Variants in RXRA observed in about 807,000 individuals in gnomAD.
The protein encoded by RXRA is retinoid X receptor alpha, also known as retinoic acid receptor RXR-alpha.
RXRA carries 5 observed loss-of-function variants against 44.5 expected under a neutral mutation model. That is an observed-to-expected ratio of 0.11 (90% CI 0.06 to 0.24). RXRA has a LOEUF of 0.24. Ranked by LOEUF, RXRA falls within the 10% of genes least tolerant of loss-of-function variation. RXRA has a pLI of 1.00. For synonymous variants in RXRA, 291 were observed against 271.4 expected (o/e 1.07, Z -0.71); for missense variants, 412 against 646.5 (o/e 0.64, Z 3.93).
At position 134,366,085 on chromosome 9, in the gene RXRA, G is replaced by A. The variant is rs575680657; in HGVS notation, c.29-35547G>A. On this transcript the variant is annotated intron_variant, in intron 1 of 9. Coordinates refer to ENST00000481739, the MANE Select transcript of RXRA (RefSeq NM_002957.6). This position sits in a 1 kb window ranked among gnomAD's most constrained non-coding sequence, Gnocchi z 5.9. ...GCTTGGCATCTTCAGCATCTCTCGT[G>A]CCTCAGTAACAACCTGGGAGCGGTG... is the stretch of plus-strand genomic sequence containing the variant. 2.0e-5 allele frequency among the ~76,000 whole-genome samples: 3 copies of A among 152,256 alleles called. No homozygotes were observed. In the East Asian group the frequency reaches 5.8e-4, roughly 29 times the overall value.
chr9:134,394,653 C>T (rs148613273), intron 1 of RXRA, among the ~76,000 whole-genome samples: 9 of 152,312 alleles, frequency 5.9e-5, no homozygotes, highest in African/African-American at 1.7e-4. Flanking sequence ...TGCACTTGCA[C>T]GCTACGTGCC....
At chr9:134,376,136 C>T (rs1830553415) in intron 1 of RXRA, among the ~76,000 whole-genome samples, 1 of 152,204 alleles carries the variant, frequency 6.6e-6, no homozygotes, top group African/African-American at 2.4e-5. Context: ...GGCACCCTCC[C>T]ACCGGCCCCG....
intron 1 of RXRA, among the ~76,000 whole-genome samples, chr9:134,333,472 G>C (rs1443291798): frequency 6.6e-6 from 1 of 152,146 alleles, no homozygotes; most frequent in Admixed American, 6.5e-5. Context: ...TGTCGGCGCA[G>C]ACTGCTGCCG....
At chr9:134,357,026 T>A (rs959719210) in intron 1 of RXRA, among the ~76,000 whole-genome samples, 11 of 152,104 alleles carry the variant, frequency 7.2e-5, no homozygotes, top group African/African-American at 2.7e-4. Flanking sequence ...CGGGGAGGCG[T>A]GAAGGCATAG....
intron 1 of RXRA, among the ~76,000 whole-genome samples, chr9:134,341,226 A>T (rs1830081842): frequency 6.6e-6 from 1 of 152,206 alleles, no homozygotes; most frequent in Non-Finnish European, 1.5e-5. Context: ...GCTGATGAGG[A>T]GGCCGAGCTA....
chr9:134,409,322 G>T (rs933735295), intron 4 of RXRA, among the ~76,000 whole-genome samples: 7 of 152,228 alleles, frequency 4.6e-5, no homozygotes, highest in African/African-American at 1.4e-4. Flanking sequence ...GTCCTGGGCG[G>T]CATGTTCTGG....
At chr9:134,379,565 G>T (rs1216243139) in intron 1 of RXRA, 4 of 985,434 alleles carry the variant, frequency 4.1e-6, no homozygotes, top group Non-Finnish European at 4.8e-6. Flanking sequence ...GCCTCATGGG[G>T]GGCTTGCTCC....
rs554972005 is a variant in RXRA at position 134,414,315 on chromosome 9, C to T, written c.611-2843C>T. Among the ~76,000 whole-genome samples, 10 of 152,374 alleles carry T rather than the reference C, an allele frequency of 6.6e-5. No homozygotes were observed. In the South Asian group the frequency reaches 2.1e-3, roughly 32 times the overall value. On this transcript the variant is annotated intron_variant, in intron 4 of 9. Transcript: ENST00000481739. ...TCAGGGCCACCCTTGTCTGGGGCTC[C>T]CCATGCCCTGGGGCTACCTCTGAGC... is the stretch of plus-strand genomic sequence containing the variant.
rs1588310707 is a variant in RXRA at position 134,432,530 on chromosome 9, T to C, written c.1135+534T>C. 1.3e-5 allele frequency among the ~76,000 whole-genome samples: 2 copies of C among 152,268 alleles called. 1 individual carries two copies. The highest frequency in any genetic ancestry group is 6.8e-3 in the Middle Eastern group (2 of 294). ...TGGGCACAGGCCTCCTGGCCGACAG[T>C]GCGGCCCTTCTCCAGCCTCTGGGTT... On this transcript the variant is annotated intron_variant, in intron 8 of 9. Transcript: ENST00000481739.
chr9:134,346,099 T>C (rs576248495), intron 1 of RXRA, among the ~76,000 whole-genome samples: 155 of 151,984 alleles, frequency 1.0e-3, no homozygotes, highest in African/African-American at 3.5e-3. Flanking sequence ...AGTGGTGTGG[T>C]ATTGGGGGGC....
Position 134,426,466 on chromosome 9 carries a change from A to G in RXRA, c.911-2642A>G, listed in dbSNP as rs2119198367. On this transcript the variant is annotated intron_variant, in intron 6 of 9. Transcript: ENST00000481739. This position sits in a 1 kb window ranked among gnomAD's most constrained non-coding sequence, Gnocchi z 4.6. ...AGTGAGGACATCGGGGTGGAGGGAC[A>G]GGGGACAGGGGAGCTGAGATGCAGC... 4 of 985,434 alleles carry G rather than the reference A, an allele frequency of 4.1e-6. No individual in the cohort carries two copies. The highest frequency in any genetic ancestry group is 4.8e-6 in the Non-Finnish European group (4 of 829,918). 61.0% of individuals were successfully genotyped at this position (985,434 alleles called of 1,614,324 possible).
chr9:134,372,725 G>T (rs1342951790), intron 1 of RXRA, among the ~76,000 whole-genome samples: 1 of 152,212 alleles, frequency 6.6e-6, no homozygotes, highest in Non-Finnish European at 1.5e-5. Flanking sequence ...GCTCTTCCCG[G>T]GACTCTACCA....
chr9:134,426,060 G>A lies in RXRA; in HGVS notation c.911-3048G>A. On this transcript the variant is annotated intron_variant, in intron 6 of 9. Transcript: ENST00000481739. This position sits in a 1 kb window ranked among gnomAD's most constrained non-coding sequence, Gnocchi z 4.6. ...GCAGAGGCCCTGAGCGTTTGGGCAG[G>A]GCCACGAGGGATCTGCAGGAGTAAG... 1.0e-6 allele frequency: 1 copy of A among 985,412 alleles called. No homozygotes were observed. The highest frequency in any genetic ancestry group is 1.2e-6 in the Non-Finnish European group (1 of 829,924). The allele number at this position is 985,412 out of a possible 1,614,324, so 61.0% of individuals were successfully genotyped here.
intron 1 of RXRA, among the ~76,000 whole-genome samples, chr9:134,359,647 C>T (rs1234089661): frequency 6.7e-6 from 1 of 148,240 alleles, no homozygotes; most frequent in Admixed American, 6.7e-5. Flanking sequence ...GCATTGTTTT[C>T]CCTCCCTCCC....
rs1353039690 is a variant in RXRA, at chr9:134,342,008, A to G, written c.28+15349A>G. On this transcript the variant is annotated intron_variant, in intron 1 of 9. Transcript: ENST00000481739. The surrounding 1 kb of genome is among the most constrained non-coding windows in gnomAD (Gnocchi z 4.4). ...GTCTGTGAAGCCCAACCCTGGGGGT[A>G]GGGGCTGTCAGAGCATCCGGCTAGC... 6.6e-6 allele frequency among the ~76,000 whole-genome samples: 1 copy of G among 151,942 alleles called. No individual in the cohort carries two copies. Among genetic ancestry groups the G allele is most frequent in the Non-Finnish European group, 1.5e-5 (1 of 67,964 alleles).
At chr9:134,338,698 C>G (rs1479247773) in intron 1 of RXRA, among the ~76,000 whole-genome samples, 1 of 152,198 alleles carries the variant, frequency 6.6e-6, no homozygotes, top group South Asian at 2.1e-4. Context: ...AACTCATTAT[C>G]GGAGGGGGCA....
rs1290510267 is a variant in RXRA, at chr9:134,431,896, C to T, written c.1044-9C>T. The T allele has an allele frequency of 1.2e-6, 2 of 1,611,276 alleles. No homozygotes were observed. Among genetic ancestry groups the T allele is most frequent in the Admixed American group, 1.7e-5 (1 of 60,014 alleles). ...ACTGGGATGGGGTGTCTGCCCTCCT[C>T]CTCTGCAGGGTGCTGACGGAGCTTG... On this transcript the variant is annotated splice_polypyrimidine_tract_variant and intron_variant, in intron 7 of 9. Coordinates refer to ENST00000481739, the MANE Select transcript of RXRA (RefSeq NM_002957.6).
rs1336227661 is a variant in RXRA at position 134,436,579 on chromosome 9, A to C, written c.1354A>C (p.Met452Leu). The C allele has an allele frequency of 6.2e-7, 1 of 1,613,928 alleles. No individual in the cohort carries two copies. The highest frequency in any genetic ancestry group is 1.3e-5 in the African/African-American group (1 of 74,926). The change falls in exon 10 of 10, where the codon ATG becomes CTG. Residue 452 changes from methionine (M) to leucine (L), a missense_variant. Coordinates refer to ENST00000481739, the MANE Select transcript of RXRA (RefSeq NM_002957.6). The stretch of plus-strand genomic sequence containing the variant: ...GGACACACCCATTGACACCTTCCTT[A>C]TGGAGATGCTGGAGGCGCCGCACCA... ...IGDTPIDTFL[M>L]EMLEAPHQMT
intron 1 of RXRA, among the ~76,000 whole-genome samples, chr9:134,370,871 G>A (rs1439460245): frequency 6.6e-6 from 1 of 152,246 alleles, no homozygotes; most frequent in African/African-American, 2.4e-5. Flanking sequence ...AGAGAAGGGT[G>A]GCTGGCCCGG....
Sources: allele counts gnomAD v4.1 joint callset (sites outside exome capture counted in the v4.1 genomes callset), GRCh38; gene constraint gnomAD v4.1.1; non-coding constraint Gnocchi (gnomAD v3.1); transcripts MANE v1.5; gene names NCBI Gene and HGNC (gene_info 2026-07-23, HGNC 2026-07-21).